RIMS1: variants seen among roughly 807,000 people sequenced by gnomAD.
RIMS1 encodes regulating synaptic membrane exocytosis 1, also known as regulating synaptic membrane exocytosis protein 1.
A neutral mutation model predicts 214.1 loss-of-function variants in RIMS1; 83 were observed. The observed-to-expected ratio is 0.39, with a 90% confidence interval of 0.32 to 0.47. The LOEUF is 0.47. Ranked by LOEUF, RIMS1 falls within the 20% of genes least tolerant of loss-of-function variation. The probability of loss-of-function intolerance (pLI) is 0.99; values close to 1 mark genes in which losing one functional copy is unlikely to be tolerated. For missense variants in RIMS1, 2,050 were observed against 2,161.8 expected, an observed-to-expected ratio of 0.95 and a Z score of 1.03; for synonymous variants, 793 against 786.8, an observed-to-expected ratio of 1.01 and a Z score of -0.13.
chr6:72,338,849 AAGAGAGAG>A (rs59731805), intron 29 of RIMS1, among the ~76,000 whole-genome samples: 2,314 of 138,712 alleles, frequency 0.017, 44 homozygotes, highest in African/African-American at 0.045. Context: ...CCAACTTGTG[AAGAGAGAG>A]AGAGAGAGAG....
At chr6:71,980,419 A>G (rs1341698224) in intron 2 of RIMS1, among the ~76,000 whole-genome samples, 2 of 152,176 alleles carry the variant, frequency 1.3e-5, no homozygotes, top group East Asian at 3.8e-4. Flanking sequence ...GTAAAAGTTC[A>G]GGAGTCAGAA....
chr6:72,053,089 T>C (rs1825161372), intron 2 of RIMS1, among the ~76,000 whole-genome samples: 2 of 152,204 alleles, frequency 1.3e-5, no homozygotes, highest in South Asian at 4.1e-4. Flanking sequence ...AGGCTGTTTC[T>C]ATAGGCATTT....
rs761036261 is a variant in RIMS1 at position 72,099,993 on chromosome 6, A to G, written c.471+7A>G. ...CCCAAAGGAGGACAAAGTGGTTAGA[A>G]TCCATACTTTCTTTTCTATCATTTG... On this transcript the variant is annotated splice_region_variant and intron_variant, in intron 4 of 33. Coordinates refer to ENST00000521978, the MANE Select transcript of RIMS1 (RefSeq NM_014989.7). The G allele has an allele frequency of 1.3e-6, 2 of 1,598,850 alleles. No homozygotes were observed. The highest frequency in any genetic ancestry group is 2.2e-5 in the South Asian group (2 of 90,430).
chr6:72,401,896 A>G lies in RIMS1; in HGVS notation c.*1182A>G, dbSNP rs1274151515. On this transcript the variant is annotated 3_prime_UTR_variant, in exon 34 of 34. Coordinates refer to ENST00000521978, the MANE Select transcript of RIMS1 (RefSeq NM_014989.7). ...TTTACATTTCTTTGAGATTGATGCA[A>G]GCACAAAGCTTGATTTTTTAATGCA... is the stretch of plus-strand genomic sequence containing the variant. 1 of 152,672 alleles carries G rather than the reference A, an allele frequency of 6.5e-6. No individual in the cohort carries two copies. Among genetic ancestry groups the G allele is most frequent in the Non-Finnish European group, 1.5e-5 (1 of 68,038 alleles). 9.5% of individuals were successfully genotyped at this position (152,672 alleles called of 1,614,324 possible). A position where few individuals can be genotyped will look rare whatever the true frequency, so the allele number is the denominator to read the frequency against.
intron 28 of RIMS1, among the ~76,000 whole-genome samples, chr6:72,321,648 T>C (rs2096173227): frequency 6.6e-6 from 1 of 152,226 alleles, no homozygotes; most frequent in African/African-American, 2.4e-5. Flanking sequence ...CTTTTTATTA[T>C]CACTCCCCTA....
chr6:72,240,973 G>T (rs528024376), intron 9 of RIMS1, among the ~76,000 whole-genome samples: 2 of 151,994 alleles, frequency 1.3e-5, no homozygotes, highest in Non-Finnish European at 2.9e-5. Flanking sequence ...CCGAGATTGC[G>T]CCACTGCACT....
intron 2 of RIMS1, among the ~76,000 whole-genome samples, chr6:72,066,496 T>C (rs1049422788): frequency 1.3e-5 from 2 of 152,304 alleles, no homozygotes; most frequent in Non-Finnish European, 1.5e-5. Context: ...CCAACCCAAA[T>C]ATTAGTCCAC....
At chr6:72,363,377 A>G (rs1289909152) in intron 29 of RIMS1, among the ~76,000 whole-genome samples, 1 of 152,216 alleles carries the variant, frequency 6.6e-6, no homozygotes, top group African/African-American at 2.4e-5. Context: ...TTTTGGTTTC[A>G]TCTAAAGTGC....
At chr6:71,928,565 A>T (rs1582840726) in intron 1 of RIMS1, among the ~76,000 whole-genome samples, 2 of 152,154 alleles carry the variant, frequency 1.3e-5, no homozygotes, top group East Asian at 3.8e-4. Flanking sequence ...TATAGAAAAG[A>T]ACATGTACAA....
Position 72,258,124 on chromosome 6 carries a change from G to A in RIMS1, c.2771-1G>A, listed in dbSNP as rs772096088. On this transcript the variant is annotated splice_acceptor_variant, in intron 16 of 33. Coordinates refer to ENST00000521978, the MANE Select transcript of RIMS1 (RefSeq NM_014989.7). LOFTEE classifies it high-confidence loss of function. ...ATTTTTTCTGTGTGTACTTTTGCCA[G>A]TAGGCTATAGGTCTAGTGCTAGAGA... The A allele has an allele frequency of 1.1e-5, 18 of 1,611,304 alleles. No individual in the cohort carries two copies. In the African/African-American group the frequency reaches 2.1e-4, roughly 19 times the overall value.
chr6:71,904,676 G>T (rs371656576), intron 1 of RIMS1, among the ~76,000 whole-genome samples: 1 of 152,130 alleles, frequency 6.6e-6, no homozygotes, highest in African/African-American at 2.4e-5. Flanking sequence ...AAACATTAAA[G>T]GAATTCACAG....
At chr6:72,215,924 G>C (rs1274011408) in intron 6 of RIMS1, among the ~76,000 whole-genome samples, 3 of 151,976 alleles carry the variant, frequency 2.0e-5, no homozygotes, top group Non-Finnish European at 4.4e-5. Context: ...TGTAATTTAA[G>C]TAAACACAGC....
intron 6 of RIMS1, among the ~76,000 whole-genome samples, chr6:72,187,647 C>G (rs1292387775): frequency 6.6e-6 from 1 of 151,846 alleles, no homozygotes; most frequent in Non-Finnish European, 1.5e-5. Context: ...GTGCGTACCA[C>G]CATACCCAGC....
At chr6:72,169,492 C>T (rs1588460201) in intron 4 of RIMS1, among the ~76,000 whole-genome samples, 2 of 152,068 alleles carry the variant, frequency 1.3e-5, no homozygotes, top group South Asian at 2.1e-4. Flanking sequence ...AGAGGTGATA[C>T]AAATAGGAAA....
chr6:72,263,160 A>G (rs554049933), intron 19 of RIMS1: 194 of 984,508 alleles, frequency 2.0e-4, no homozygotes, highest in East Asian at 7.9e-4. Context: ...AAACTTTGCA[A>G]CTGAAAGTGT....
At chr6:72,235,878 T>C (rs1355884567) in intron 8 of RIMS1, 150 bp downstream of exon 8, 1 of 367,642 alleles carries the variant, frequency 2.7e-6, no homozygotes, top group Non-Finnish European at 4.6e-6. Context: ...GAAAATTGAA[T>C]AAAATTTAGG....
intron 2 of RIMS1, among the ~76,000 whole-genome samples, chr6:72,054,541 C>T (rs150155885): frequency 0.081 from 12,308 of 152,140 alleles, 537 homozygotes; most frequent in African/African-American, 0.1. Flanking sequence ...ACATTCCCAC[C>T]GACAGTGTAC....
intron 16 of RIMS1, among the ~76,000 whole-genome samples, chr6:72,255,856 TG>T (rs1356023019): frequency 6.6e-6 from 1 of 151,906 alleles, no homozygotes; most frequent in Non-Finnish European, 1.5e-5. Context: ...CCCAATGTGG[TG>T]AAATTTCATC....
At chr6:72,157,391 G>T (rs2044577882) in intron 4 of RIMS1, among the ~76,000 whole-genome samples, 2 of 139,676 alleles carry the variant, frequency 1.4e-5, no homozygotes. Flanking sequence ...ATGTGTTTCT[G>T]TCTCCCACTG....
Sources: allele counts gnomAD v4.1 joint callset (sites outside exome capture counted in the v4.1 genomes callset), GRCh38; gene constraint gnomAD v4.1.1; transcripts MANE v1.5; gene names NCBI Gene and HGNC (gene_info 2026-07-23, HGNC 2026-07-21).